Variants in ZNF710 observed in about 807,000 individuals in gnomAD.
The protein encoded by ZNF710 is zinc finger protein 710.
A neutral mutation model predicts 50.6 loss-of-function variants in ZNF710; 13 were observed. The observed-to-expected ratio is 0.26, with a 90% confidence interval of 0.17 to 0.41. The LOEUF (loss-of-function observed/expected upper bound fraction) is 0.41, where lower values mean the gene tolerates loss of function less well. ZNF710 is among the 10% of genes least tolerant of loss of function. The pLI is 1.00. For synonymous variants in ZNF710, 383 were observed against 397.0 expected (o/e 0.96, Z 0.42); for missense variants, 721 against 936.6 (o/e 0.77, Z 3.01).
At chr15:90,005,420 G>A (rs2151456877) in intron 1 of ZNF710, among the ~76,000 whole-genome samples, 1 of 152,274 alleles carries the variant, frequency 6.6e-6, no homozygotes, top group Non-Finnish European at 1.5e-5. Flanking sequence ...CCTGGGTGGA[G>A]ACTTGTGCAA....
At chr15:90,041,890 T>C (rs1175136663) in intron 1 of ZNF710, among the ~76,000 whole-genome samples, 4 of 145,932 alleles carry the variant, frequency 2.7e-5, no homozygotes, top group African/African-American at 1.0e-4. Context: ...TCTTTGTTTT[T>C]GATTTTTTTT....
chr15:90,000,995 AAG>A (rs772003954), upstream of ZNF710, among the ~76,000 whole-genome samples: 9 of 152,164 alleles, frequency 5.9e-5, no homozygotes, highest in Admixed American at 1.3e-4. Context: ...AGAAAAAAAA[AAG>A]AGAGAGAGAG....
At chr15:90,006,977 C>G (rs950146099) in intron 1 of ZNF710, 8 of 154,262 alleles carry the variant, frequency 5.2e-5, no homozygotes, top group African/African-American at 1.9e-4. Context: ...TTTGTGCTGT[C>G]TACCTGCTTG....
At chr15:90,007,282 C>G (rs1898163806) in intron 1 of ZNF710, among the ~76,000 whole-genome samples, 1 of 152,048 alleles carries the variant, frequency 6.6e-6, no homozygotes, top group African/African-American at 2.4e-5. Flanking sequence ...AGAGAGGCAC[C>G]TGCTCAATAG....
chr15:90,035,411 G>T (rs893438739), intron 1 of ZNF710, among the ~76,000 whole-genome samples: 4 of 152,234 alleles, frequency 2.6e-5, no homozygotes, highest in Admixed American at 2.0e-4. Flanking sequence ...TGCCCCTGCT[G>T]CCTGTGCAGT....
chr15:90,004,193 T>C (rs544426134), intron 1 of ZNF710, among the ~76,000 whole-genome samples: 1 of 152,264 alleles, frequency 6.6e-6, no homozygotes, highest in South Asian at 2.1e-4. Flanking sequence ...AGGTCTGGAA[T>C]GGTTTTTGAG....
intron 1 of ZNF710, among the ~76,000 whole-genome samples, chr15:90,042,102 G>T (rs1461862611): frequency 6.6e-6 from 1 of 151,778 alleles, no homozygotes; most frequent in Non-Finnish European, 1.5e-5. Flanking sequence ...TTCACCATGT[G>T]GGCCAGGCTG....
intron 1 of ZNF710, among the ~76,000 whole-genome samples, 199 bp downstream of exon 1, chr15:90,001,813 A>G (rs1898018525): frequency 7.2e-6 from 1 of 138,506 alleles, no homozygotes; most frequent in African/African-American, 2.7e-5. Flanking sequence ...TCACTTCCAC[A>G]TTCCCTCATG....
upstream of ZNF710, among the ~76,000 whole-genome samples, chr15:89,998,445 G>T: frequency 6.6e-6 from 1 of 152,188 alleles, no homozygotes; most frequent in East Asian, 1.9e-4. Flanking sequence ...TTCCTGAGAA[G>T]CCACCTGGCC....
At chr15:90,074,565 A>G (rs1763178353) in intron 4 of ZNF710, 3 of 1,359,170 alleles carry the variant, frequency 2.2e-6, no homozygotes, top group East Asian at 3.6e-5. Context: ...CCAGGCCTTT[A>G]TTAACTCATG....
chr15:90,028,536 A>G (rs1017221390), intron 1 of ZNF710, among the ~76,000 whole-genome samples: 1 of 152,204 alleles, frequency 6.6e-6, no homozygotes, highest in Non-Finnish European at 1.5e-5. Context: ...CCTTTTTACA[A>G]TTCTGCCCAT....
At chr15:90,007,296 C>T (rs1291112680) in intron 1 of ZNF710, among the ~76,000 whole-genome samples, 1 of 152,150 alleles carries the variant, frequency 6.6e-6, no homozygotes, top group Non-Finnish European at 1.5e-5. Flanking sequence ...TCAATAGTTC[C>T]ATGCATGGGA....
rs142056612 is a variant in ZNF710, at chr15:90,052,384, T to C, written c.-28-14726T>C. 4.6e-3 allele frequency among the ~76,000 whole-genome samples: 697 copies of C among 152,314 alleles called. 3 individuals carry two copies. Among genetic ancestry groups the C allele is most frequent in the African/African-American group, 0.016 (663 of 41,560 alleles). ...CAGTCAATCTCCATTCCCAGATCTTTGTTTCTCCTGTCATTTCTGATCACT... is the reference window on the plus strand; with the variant it reads ...CAGTCAATCTCCATTCCCAGATCTTCGTTTCTCCTGTCATTTCTGATCACT... On this transcript the variant is annotated intron_variant, in intron 1 of 4. Transcript: ENST00000268154.
chr15:90,000,537 GCC>G (rs1468262467), upstream of ZNF710, among the ~76,000 whole-genome samples: 2 of 152,174 alleles, frequency 1.3e-5, no homozygotes, highest in Non-Finnish European at 2.9e-5. Flanking sequence ...CCCAGCAGCT[GCC>G]CTGAGCCCCT....
At chr15:90,012,276 T>G (rs1312818519) in intron 1 of ZNF710, among the ~76,000 whole-genome samples, 1 of 150,890 alleles carries the variant, frequency 6.6e-6, no homozygotes. Context: ...TCTCTGTGGT[T>G]GTTTTGAGTG....
intron 1 of ZNF710, among the ~76,000 whole-genome samples, chr15:90,014,512 T>TA (rs61272254): frequency 0.037 from 4,559 of 123,852 alleles, 105 homozygotes; most frequent in South Asian, 0.085. Context: ...CCCTATCTCT[T>TA]AAAAAAAAAA....
intron 1 of ZNF710, among the ~76,000 whole-genome samples, chr15:90,050,456 G>C (rs1258136571): frequency 2.6e-5 from 4 of 152,174 alleles, no homozygotes; most frequent in Admixed American, 1.3e-4. Flanking sequence ...CTCTGGCTGG[G>C]TCTATGGGGG....
chr15:90,032,007 C>G (rs1007597258), intron 1 of ZNF710, among the ~76,000 whole-genome samples: 1 of 152,230 alleles, frequency 6.6e-6, no homozygotes, highest in Non-Finnish European at 1.5e-5. Context: ...CTGTGAATTT[C>G]TGTTTTTTTG....
chr15:90,008,430 A>ATATATATGTATATATATG (rs1898199067), intron 1 of ZNF710, among the ~76,000 whole-genome samples: 1 of 138,190 alleles, frequency 7.2e-6, no homozygotes, highest in Non-Finnish European at 1.5e-5. Flanking sequence ...GTGTGTGTAT[A>ATATATATGTATATATATG]TATATATATA....
Sources: gnomAD v4.1 joint callset for allele counts (sites outside exome capture counted in the v4.1 genomes callset) on GRCh38, gnomAD v4.1.1 for gene constraint, MANE v1.5 for transcripts, NCBI Gene and HGNC (gene_info 2026-07-23, HGNC 2026-07-21) for gene names.